ZDHHC14: variants seen among roughly 807,000 people sequenced by gnomAD.
The protein encoded by ZDHHC14 is zDHHC palmitoyltransferase 14.
In ZDHHC14, 16 loss-of-function variants were observed where a neutral mutation model predicts 47.7. The ratio of observed to expected loss-of-function variants is 0.34; its 90% CI spans 0.23 to 0.51. The LOEUF is 0.51. Among genes scored for constraint, ZDHHC14 ranks in the 20% least tolerant of loss-of-function variants. ZDHHC14 has a pLI of 0.97. For synonymous variants in ZDHHC14, 293 were observed against 278.9 expected, an observed-to-expected ratio of 1.05 and a Z score of -0.50; for missense variants, 515 against 662.5, an observed-to-expected ratio of 0.78 and a Z score of 2.44.
chr6:157,382,358 C>CT, intron 1 of ZDHHC14, 92 bp downstream of exon 1: 1 of 1,436,082 alleles, frequency 7.0e-7, no homozygotes, highest in South Asian at 1.2e-5. Flanking sequence ...TTCTAGAAGT[C>CT]TTATCTACTG....
intron 3 of ZDHHC14, among the ~76,000 whole-genome samples, chr6:157,593,359 C>G (rs531999146): frequency 2.0e-5 from 3 of 152,184 alleles, no homozygotes; most frequent in African/African-American, 7.2e-5. Flanking sequence ...GGGCCTCCCC[C>G]AGCACAGGCA....
intron 2 of ZDHHC14, among the ~76,000 whole-genome samples, chr6:157,579,062 T>A (rs1783412075): frequency 6.6e-6 from 1 of 152,184 alleles, no homozygotes; most frequent in Non-Finnish European, 1.5e-5. Flanking sequence ...GGCTCTTTTT[T>A]AGTTCTATAT....
At chr6:157,548,188 A>G (rs1782064975) in intron 2 of ZDHHC14, among the ~76,000 whole-genome samples, 3 of 152,070 alleles carry the variant, frequency 2.0e-5, no homozygotes, top group Non-Finnish European at 4.4e-5. Context: ...TCTTTTCAGA[A>G]GGTGAGATTT....
chr6:157,445,105 TACACACAC>T (rs533031947), intron 1 of ZDHHC14, among the ~76,000 whole-genome samples: 3,034 of 131,758 alleles, frequency 0.023, 40 homozygotes, highest in African/African-American at 0.029. Context: ...TGCCAGATAT[TACACACAC>T]ACACACACAC....
intron 8 of ZDHHC14, among the ~76,000 whole-genome samples, chr6:157,670,735 C>A (rs1181228611): frequency 6.6e-6 from 1 of 151,822 alleles, no homozygotes; most frequent in African/African-American, 2.4e-5. Context: ...CAGGCTAAAG[C>A]CACAGAAAAG....
At chr6:157,414,723 G>A (rs369033727) in intron 1 of ZDHHC14, among the ~76,000 whole-genome samples, 26 of 151,742 alleles carry the variant, frequency 1.7e-4, no homozygotes, top group African/African-American at 6.0e-4. Context: ...TGTCCATATC[G>A]TACAGTTGTT....
chr6:157,506,945 A>C (rs1477758168), intron 1 of ZDHHC14, among the ~76,000 whole-genome samples: 2 of 151,994 alleles, frequency 1.3e-5, no homozygotes, highest in Non-Finnish European at 2.9e-5. Flanking sequence ...AGTAACATAT[A>C]GTTTAAAAGG....
At chr6:157,657,607 CAGTG>C (rs1392210252) in intron 8 of ZDHHC14, among the ~76,000 whole-genome samples, 1 of 152,206 alleles carries the variant, frequency 6.6e-6, no homozygotes, top group East Asian at 1.9e-4. Context: ...AGCCCTCCAT[CAGTG>C]AGTACCATGG....
chr6:157,615,879 A>T (rs1784946059), intron 3 of ZDHHC14, among the ~76,000 whole-genome samples: 1 of 152,238 alleles, frequency 6.6e-6, no homozygotes, highest in African/African-American at 2.4e-5. Flanking sequence ...CAGTATATAA[A>T]ACAGACATAG....
intron 1 of ZDHHC14, among the ~76,000 whole-genome samples, chr6:157,516,086 T>A (rs142429971): frequency 2.4e-4 from 37 of 152,356 alleles, no homozygotes; most frequent in African/African-American, 8.7e-4. Context: ...AGGTTTCATT[T>A]TGCCTGCTTA....
intron 1 of ZDHHC14, among the ~76,000 whole-genome samples, chr6:157,532,182 G>A (rs1457410684): frequency 1.3e-5 from 2 of 152,270 alleles, no homozygotes; most frequent in Non-Finnish European, 2.9e-5. Context: ...CAGGGCCTTG[G>A]GATGGGAGGA....
At position 157,453,788 on chromosome 6, in the gene ZDHHC14, T is replaced by TTTTTTTTGTGTGTGTGTGTGTGTG. The variant is rs3220439; in HGVS notation, c.245+71523_245+71524insTTTTTTGTGTGTGTGTGTGTGTGT. 7.4e-3 allele frequency among the ~76,000 whole-genome samples: 1,090 copies of TTTTTTTTGTGTGTGTGTGTGTGTG among 148,134 alleles called. 15 individuals are homozygous for TTTTTTTTGTGTGTGTGTGTGTGTG. The highest frequency in any genetic ancestry group is 0.026 in the African/African-American group (1,026 of 39,518). On this transcript the variant is annotated intron_variant, in intron 1 of 8. Coordinates refer to ENST00000359775, the MANE Select transcript of ZDHHC14 (RefSeq NM_024630.3). The stretch of plus-strand genomic sequence containing the variant: ...TTCTAAGGCCATTGTTTTTTGTGTT[T>TTTTTTTTGTGTGTGTGTGTGTGTG]TGTGTGTGTGTGTGTGTGTGTGTGT...
intron 8 of ZDHHC14, among the ~76,000 whole-genome samples, chr6:157,664,358 T>C (rs1380322646): frequency 6.6e-6 from 1 of 152,246 alleles, no homozygotes; most frequent in African/African-American, 2.4e-5. Flanking sequence ...TAATATTTTA[T>C]TGACTACAGG....
At chr6:157,581,940 G>T (rs1310424591) in intron 2 of ZDHHC14, among the ~76,000 whole-genome samples, 1 of 152,078 alleles carries the variant, frequency 6.6e-6, no homozygotes, top group Non-Finnish European at 1.5e-5. Flanking sequence ...CTGTCACCCA[G>T]GCTGGAGTGC....
At chr6:157,386,758 T>C (rs1307768511) in intron 1 of ZDHHC14, among the ~76,000 whole-genome samples, 1 of 152,230 alleles carries the variant, frequency 6.6e-6, no homozygotes, top group African/African-American at 2.4e-5. Flanking sequence ...AGGCTGTCTA[T>C]GCGATGTCGT....
chr6:157,395,345 T>A (rs1381827119), intron 1 of ZDHHC14, among the ~76,000 whole-genome samples: 1 of 147,938 alleles, frequency 6.8e-6, no homozygotes, highest in Non-Finnish European at 1.5e-5. Flanking sequence ...TTTTTTTTTT[T>A]AGTAGAGATG....
At chr6:157,436,918 G>A (rs967623147) in intron 1 of ZDHHC14, among the ~76,000 whole-genome samples, 2 of 152,154 alleles carry the variant, frequency 1.3e-5, no homozygotes, top group African/African-American at 4.8e-5. Flanking sequence ...GGAGTACAGG[G>A]GTGGTCTGAG....
intron 1 of ZDHHC14, among the ~76,000 whole-genome samples, chr6:157,482,246 A>G (rs1779648034): frequency 7.1e-6 from 1 of 141,542 alleles, no homozygotes; most frequent in Admixed American, 7.2e-5. Context: ...TAACGTCTAT[A>G]TTTCTTTTCT....
At chr6:157,496,581 C>A (rs576381142) in intron 1 of ZDHHC14, among the ~76,000 whole-genome samples, 1 of 152,196 alleles carries the variant, frequency 6.6e-6, no homozygotes, top group South Asian at 2.1e-4. Context: ...TGGACATACA[C>A]AAAGGGAAGA....
Sources: allele counts gnomAD v4.1 joint callset (sites outside exome capture counted in the v4.1 genomes callset), GRCh38; gene constraint gnomAD v4.1.1; transcripts MANE v1.5; gene names NCBI Gene and HGNC (gene_info 2026-07-23, HGNC 2026-07-21).